COMMD1: variants seen among roughly 807,000 people sequenced by gnomAD.
COMMD1 encodes COMM domain-containing protein 1.
A neutral mutation model predicts 17.2 loss-of-function variants in COMMD1; 10 were observed. The ratio of observed to expected loss-of-function variants is 0.58; its 90% CI spans 0.36 to 0.99. The LOEUF is 0.99. Among genes scored for constraint, COMMD1 ranks in the 50% least tolerant of loss-of-function variants. The pLI, the probability that COMMD1 is intolerant of heterozygous loss-of-function variation, is 0.01. For synonymous variants in COMMD1, 97 were observed against 91.6 expected (o/e 1.06, Z -0.34); for missense variants, 270 against 231.8 (o/e 1.17, Z -1.07).
intron 1 of COMMD1, among the ~76,000 whole-genome samples, chr2:61,912,069 G>A (rs62149903): frequency 0.019 from 2,957 of 151,864 alleles, 47 homozygotes; most frequent in Non-Finnish European, 0.031. Flanking sequence ...TTTTTACCTG[G>A]CTTTACTTTT....
intron 1 of COMMD1, among the ~76,000 whole-genome samples, chr2:61,908,951 T>G (rs755640705): frequency 5.3e-5 from 8 of 152,018 alleles, no homozygotes; most frequent in Non-Finnish European, 1.2e-4. Flanking sequence ...TGAGACGGAG[T>G]ATCGCTCTTG....
rs142981483 is a variant in COMMD1 at position 62,092,565 on chromosome 2, G to C, written c.463-43266G>C. 2.3e-3 allele frequency among the ~76,000 whole-genome samples: 357 copies of C among 152,262 alleles called. 2 individuals carry two copies. The highest frequency in any genetic ancestry group is 8.1e-3 in the African/African-American group (337 of 41,552). On this transcript the variant is annotated intron_variant, in intron 2 of 2. Coordinates refer to ENST00000311832, the MANE Select transcript of COMMD1 (RefSeq NM_152516.4). ...AGAGTTGATTGAAAGCCCCTGATAA[G>C]GTCCTTTCCAGTGGGGTTGTAGGGA...
intron 1 of COMMD1, among the ~76,000 whole-genome samples, chr2:61,906,454 CAAT>C (rs1366545840): frequency 2.0e-5 from 3 of 152,174 alleles, no homozygotes; most frequent in Non-Finnish European, 2.9e-5. Context: ...CACATGTAAT[CAAT>C]ATACAGAATA....
intron 2 of COMMD1, among the ~76,000 whole-genome samples, chr2:62,126,459 G>T (rs964963761): frequency 6.6e-6 from 1 of 152,068 alleles, no homozygotes; most frequent in African/African-American, 2.4e-5. Context: ...CTTAATAATT[G>T]CCATTCTGAC....
chr2:61,907,743 T>C (rs1299876511), intron 1 of COMMD1, among the ~76,000 whole-genome samples: 1 of 152,094 alleles, frequency 6.6e-6, no homozygotes, highest in African/African-American at 2.4e-5. Context: ...CAGGCTGGAG[T>C]GCAATGGTGT....
chr2:62,121,610 C>T (rs972024875), intron 2 of COMMD1, among the ~76,000 whole-genome samples: 2 of 148,822 alleles, frequency 1.3e-5, no homozygotes, highest in Admixed American at 1.3e-4. Flanking sequence ...TGTTGGTGTG[C>T]ACCTGTAATC....
chr2:62,062,216 GT>G (rs1375611978), intron 2 of COMMD1, among the ~76,000 whole-genome samples: 1 of 147,422 alleles, frequency 6.8e-6, no homozygotes, highest in African/African-American at 2.6e-5. Flanking sequence ...TTGTTTTTCG[GT>G]TTTTTTTTGT....
intron 1 of COMMD1, among the ~76,000 whole-genome samples, chr2:61,891,023 A>C (rs1239164311): frequency 1.3e-5 from 2 of 152,132 alleles, no homozygotes; most frequent in African/African-American, 4.8e-5. Context: ...TTGGGATGTA[A>C]AATACTGGAT....
At chr2:61,945,228 C>T (rs1011153760) in intron 1 of COMMD1, among the ~76,000 whole-genome samples, 1 of 152,220 alleles carries the variant, frequency 6.6e-6, no homozygotes, top group African/African-American at 2.4e-5. Flanking sequence ...CTGCTCTCTA[C>T]TATGCTACAA....
At chr2:61,925,532 G>A (rs765868742) in intron 1 of COMMD1, among the ~76,000 whole-genome samples, 1 of 152,178 alleles carries the variant, frequency 6.6e-6, no homozygotes, top group African/African-American at 2.4e-5. Flanking sequence ...ACCTCCCCCT[G>A]TGGGGTCTGG....
chr2:62,101,438 A>G (rs1672174220), intron 2 of COMMD1, among the ~76,000 whole-genome samples: 1 of 152,072 alleles, frequency 6.6e-6, no homozygotes, highest in African/African-American at 2.4e-5. Flanking sequence ...GCAAGACCCC[A>G]TCTCTACAAA....
chr2:61,898,980 A>G (rs1172457227), intron 1 of COMMD1, among the ~76,000 whole-genome samples: 1 of 152,206 alleles, frequency 6.6e-6, no homozygotes, highest in Non-Finnish European at 1.5e-5. Context: ...AAGTTTCAAC[A>G]GTTACATTGG....
intron 2 of COMMD1, among the ~76,000 whole-genome samples, chr2:62,065,730 AT>A (rs1671020298): frequency 1.3e-5 from 2 of 152,194 alleles, no homozygotes; most frequent in Non-Finnish European, 2.9e-5. Flanking sequence ...GTTTATTATA[AT>A]CGTTCATTTG....
At chr2:62,094,223 T>C (rs1671932627) in intron 2 of COMMD1, among the ~76,000 whole-genome samples, 1 of 152,076 alleles carries the variant, frequency 6.6e-6, no homozygotes, top group South Asian at 2.1e-4. Context: ...AAAATGATGT[T>C]GGGGGCAGAA....
intron 2 of COMMD1, among the ~76,000 whole-genome samples, chr2:62,034,836 T>C (rs1669999345): frequency 6.6e-6 from 1 of 152,168 alleles, no homozygotes; most frequent in Non-Finnish European, 1.5e-5. Context: ...AATACTAGAC[T>C]GTGAGAGCTT....
At chr2:62,135,025 C>A (rs1017029299) in intron 2 of COMMD1, among the ~76,000 whole-genome samples, 1 of 152,234 alleles carries the variant, frequency 6.6e-6, no homozygotes, top group South Asian at 2.1e-4. Flanking sequence ...CAGACTAACT[C>A]AGAGTCCATC....
chr2:62,123,258 C>T (rs1474352146), intron 2 of COMMD1, among the ~76,000 whole-genome samples: 2 of 152,004 alleles, frequency 1.3e-5, no homozygotes, highest in African/African-American at 4.8e-5. Flanking sequence ...GTAATCCCAG[C>T]ACTTTGGGAG....
chr2:62,111,555 T>C (rs1672455671), intron 2 of COMMD1, among the ~76,000 whole-genome samples: 1 of 152,164 alleles, frequency 6.6e-6, no homozygotes, highest in East Asian at 1.9e-4. Context: ...CCCTCTGGAA[T>C]AAGGGTTTAG....
Position 62,000,939 on chromosome 2 carries a change from C to A in COMMD1, c.419C>A (p.Thr140Lys), listed in dbSNP as rs765844307. The A allele has an allele frequency of 6.2e-7, 1 of 1,613,962 alleles. No homozygotes were observed. Among genetic ancestry groups the A allele is most frequent in the African/African-American group, 1.3e-5 (1 of 74,920 alleles). Residue 140 changes from threonine (T) to lysine (K), a missense_variant, in exon 2 of 3, where the codon ACA becomes AAA. Transcript: ENST00000311832. ...SQSRHSAQIH[T>K]PVAIIELELG... is the part of the protein sequence containing the mutation. ...TCAAGGCACTCAGCTCAAATACACA[C>A]ACCTGTTGCCATTATAGAGCTGGAA... is the stretch of plus-strand genomic sequence containing the variant.
Sources: allele counts gnomAD v4.1 joint callset (sites outside exome capture counted in the v4.1 genomes callset), GRCh38; gene constraint gnomAD v4.1.1; transcripts MANE v1.5; gene names NCBI Gene and HGNC (gene_info 2026-07-23, HGNC 2026-07-21).